ZNF26: variants seen among roughly 807,000 people sequenced by gnomAD.
ZNF26 encodes epididymis luminal protein 179.
A neutral mutation model predicts 54.9 loss-of-function variants in ZNF26; 32 were observed. That is an observed-to-expected ratio of 0.58 (90% confidence interval 0.44 to 0.78). The LOEUF (loss-of-function observed/expected upper bound fraction) is 0.78. Ranked by LOEUF, ZNF26 falls within the 30% of genes least tolerant of loss-of-function variation. The probability of loss-of-function intolerance (pLI) is 0.00; values close to 1 mark genes in which losing one functional copy is unlikely to be tolerated. For missense variants in ZNF26, 524 were observed against 634.0 expected (o/e 0.83, Z 1.86); for synonymous variants, 221 against 209.2 (o/e 1.06, Z -0.49).
Position 133,011,142 on chromosome 12 carries a change from C to G in ZNF26, c.1263C>G (p.Thr421=). 1 of 1,613,966 alleles carries G rather than the reference C, an allele frequency of 6.2e-7. No homozygotes were observed. Among genetic ancestry groups the G allele is most frequent in the South Asian group, 1.1e-5 (1 of 91,068 alleles). ...TTGTTATACATAGGAGAACACACACCGGAGAGAGACCCTATGAATGTAGTT... is the reference window on the plus strand; with the variant it reads ...TTGTTATACATAGGAGAACACACACGGGAGAGAGACCCTATGAATGTAGTT... ...SYLVIHRRTH[T]GERPYECSLC... is the part of the protein sequence containing the mutation. Residue 421 remains threonine (T), a synonymous_variant, in exon 4 of 4, where the codon ACC becomes ACG. Coordinates refer to ENST00000328654, the MANE Select transcript of ZNF26 (RefSeq NM_019591.4).
chr12:132,992,063 G>A (rs1197159087), intron 1 of ZNF26, among the ~76,000 whole-genome samples: 2 of 151,778 alleles, frequency 1.3e-5, no homozygotes, highest in East Asian at 1.9e-4. Flanking sequence ...TATGAGAATC[G>A]CTTGAACCCA....
At position 133,025,406 on chromosome 12, in the gene ZNF26, T is replaced by C. The variant is rs2137289931; in HGVS notation, c.*13925T>C. ...TGAGATCCTGGTCTTCAATCTGATA[T>C]TATAACGGGATGAGACATTGGGATC... On this transcript the variant is annotated 3_prime_UTR_variant, in exon 4 of 4. Transcript: ENST00000328654. The C allele has an allele frequency of 6.6e-6, 1 of 152,294 alleles. No individual in the cohort carries two copies. Among genetic ancestry groups the C allele is most frequent in the Admixed American group, 6.5e-5 (1 of 15,298 alleles). 9.4% of individuals were successfully genotyped at this position (152,294 alleles called of 1,614,324 possible).
At chr12:133,007,385 G>C in intron 2 of ZNF26, 52 bp from the exon 3 acceptor site, 1 of 1,488,542 alleles carries the variant, frequency 6.7e-7, no homozygotes, top group Non-Finnish European at 9.2e-7. Context: ...TTGATTCCTC[G>C]GTCCTGTCCC....
At chr12:132,997,657 T>C (rs1339549559) in intron 1 of ZNF26, among the ~76,000 whole-genome samples, 2 of 152,214 alleles carry the variant, frequency 1.3e-5, no homozygotes, top group Non-Finnish European at 2.9e-5. Flanking sequence ...GGGTTCCAAA[T>C]TAAGGAGGTT....
Position 133,001,667 on chromosome 12 carries a change from C to G in ZNF26, c.34-5375C>G. 1.6e-6 allele frequency: 2 copies of G among 1,289,146 alleles called. No homozygotes were observed. Among genetic ancestry groups the G allele is most frequent in the Non-Finnish European group, 2.0e-6 (2 of 988,696 alleles). 79.9% of individuals were successfully genotyped at this position (1,289,146 alleles called of 1,614,324 possible). ...CTGAGGAGGAGCCTGCTAATGAGCT[C>G]AAGTGTCAAGTTCGGGAATCTTCTG... On this transcript the variant is annotated intron_variant, in intron 1 of 3. Transcript: ENST00000328654. The surrounding 1 kb of genome is among the most constrained non-coding windows in gnomAD (Gnocchi z 4.7).
Position 133,024,456 on chromosome 12 carries a change from G to C in ZNF26, c.*12975G>C, listed in dbSNP as rs1293421010. The C allele has an allele frequency of 6.6e-6, 1 of 152,152 alleles. No homozygotes were observed. The highest frequency in any genetic ancestry group is 1.5e-5 in the Non-Finnish European group (1 of 68,032). The allele number at this position is 152,152 out of a possible 1,614,324, so 9.4% of individuals were successfully genotyped here. ...TAGAGCTAAGTGTTTTCTAGACCCA[G>C]TGTTCAGGATGCTACCTGGCTCCTC... On this transcript the variant is annotated 3_prime_UTR_variant, in exon 4 of 4. Transcript: ENST00000328654.
Position 133,012,592 on chromosome 12 carries a change from T to G in ZNF26, c.*1111T>G, listed in dbSNP as rs1359103316. On this transcript the variant is annotated 3_prime_UTR_variant, in exon 4 of 4. Coordinates refer to ENST00000328654, the MANE Select transcript of ZNF26 (RefSeq NM_019591.4). ...TTGTTGTTTGGGTTTTTTTTTTTTT[T>G]TTTTTTTTTTTTTTTTTGAGACTAA... 6 of 126,834 alleles carry G rather than the reference T, an allele frequency of 4.7e-5. No individual in the cohort carries two copies. Among genetic ancestry groups the G allele is most frequent in the African/African-American group, 1.8e-4 (6 of 33,702 alleles). 7.9% of individuals were successfully genotyped at this position (126,834 alleles called of 1,614,324 possible).
At chr12:132,998,784 T>G (rs1953147256) in intron 1 of ZNF26, among the ~76,000 whole-genome samples, 1 of 152,190 alleles carries the variant, frequency 6.6e-6, no homozygotes, top group Non-Finnish European at 1.5e-5. Context: ...ATTTGAGGCC[T>G]TGATAAAATA....
At position 133,023,544 on chromosome 12, in the gene ZNF26, C is replaced by A. The variant is rs1377579320; in HGVS notation, c.*12063C>A. On this transcript the variant is annotated 3_prime_UTR_variant, in exon 4 of 4. Coordinates refer to ENST00000328654, the MANE Select transcript of ZNF26 (RefSeq NM_019591.4). Reference sequence around the variant, plus strand: ...TTCTGAGTAAATGAAATCCAGGTCTCTTTCGCCATACATTTGTATATGAGG... The same window carrying A: ...TTCTGAGTAAATGAAATCCAGGTCTATTTCGCCATACATTTGTATATGAGG... The A allele has an allele frequency of 3.3e-5, 5 of 152,332 alleles. No homozygotes were observed. The highest frequency in any genetic ancestry group is 3.3e-4 in the Admixed American group (5 of 15,304). 9.4% of individuals were successfully genotyped at this position (152,332 alleles called of 1,614,324 possible).
rs2137264431 is a variant in ZNF26 at position 133,012,268 on chromosome 12, C to G, written c.*787C>G. 1 of 152,308 alleles carries G rather than the reference C, an allele frequency of 6.6e-6. No homozygotes were observed. Among genetic ancestry groups the G allele is most frequent in the South Asian group, 2.1e-4 (1 of 4,822 alleles). The allele number at this position is 152,308 out of a possible 1,614,324, so 9.4% of individuals were successfully genotyped here. A position where few individuals can be genotyped will look rare whatever the true frequency, so the allele number is the denominator to read the frequency against. ...TGTTTTCTCTGGAGAAATACCTCCC[C>G]TCTCTGGGGTGCTTCCTGTGGTAGT... On this transcript the variant is annotated 3_prime_UTR_variant, in exon 4 of 4. Transcript: ENST00000328654.
chr12:133,023,608 C>T lies in ZNF26; in HGVS notation c.*12127C>T, dbSNP rs1953668835. 2 of 150,242 alleles carry T rather than the reference C, an allele frequency of 1.3e-5. No individual in the cohort carries two copies. Among genetic ancestry groups the T allele is most frequent in the East Asian group, 4.0e-4 (2 of 5,024 alleles). The allele number at this position is 150,242 out of a possible 1,614,324, so 9.3% of individuals were successfully genotyped here. On this transcript the variant is annotated 3_prime_UTR_variant, in exon 4 of 4. Transcript: ENST00000328654. ...AATTACAATAATCAACCATGTTTTA[C>T]ATATGTGGCAGATTTTATTTTCTGA...
In ZNF26 at chr12:133,011,710, TATC is replaced by T. The variant is rs1469129841; in HGVS notation, c.*235_*237del. The stretch of plus-strand genomic sequence containing the variant: ...GCAATAAATGTATCAAATGTTGTAG[TATC>T]ATCATGAAGATTCAGAGAATTTACA... On this transcript the variant is annotated 3_prime_UTR_variant, in exon 4 of 4. Coordinates refer to ENST00000328654, the MANE Select transcript of ZNF26 (RefSeq NM_019591.4). The T allele has an allele frequency of 2.4e-5, 8 of 332,958 alleles. No individual in the cohort carries two copies. Among genetic ancestry groups the T allele is most frequent in the Middle Eastern group, 8.5e-4 (1 of 1,182 alleles). The allele number at this position is 332,958 out of a possible 1,614,324, so 20.6% of individuals were successfully genotyped here. A position where few individuals can be genotyped will look rare whatever the true frequency, so the allele number is the denominator to read the frequency against.
At position 133,023,663 on chromosome 12, in the gene ZNF26, TCTC is replaced by T. The variant is rs1953669703; in HGVS notation, c.*12186_*12188del. The T allele has an allele frequency of 5.9e-5, 9 of 152,340 alleles. No homozygotes were observed. The East Asian group carries it at 1.5e-3, about 26-fold the overall frequency. 9.4% of individuals were successfully genotyped at this position (152,340 alleles called of 1,614,324 possible). On this transcript the variant is annotated 3_prime_UTR_variant, in exon 4 of 4. Transcript: ENST00000328654. Reference sequence around the variant, plus strand: ...GGCTATGACAGTAGCTTCCATCTCATCTCCTCTTCTACAGTGTGATCTTGCCAC... The same window carrying T: ...GGCTATGACAGTAGCTTCCATCTCATCTCTTCTACAGTGTGATCTTGCCAC...
At position 133,001,089 on chromosome 12, in the gene ZNF26, C is replaced by T. The variant is rs1287844277; in HGVS notation, c.34-5953C>T. Among the ~76,000 whole-genome samples, 1 of 152,068 alleles carries T rather than the reference C, an allele frequency of 6.6e-6. No individual in the cohort carries two copies. Among genetic ancestry groups the T allele is most frequent in the Non-Finnish European group, 1.5e-5 (1 of 68,030 alleles). ...AAGTGACTTGTTTCATGTTTCTTCT[C>T]CCTCAGATTTAAAGTAACCAGCTTG... On this transcript the variant is annotated intron_variant, in intron 1 of 3. Transcript: ENST00000328654. This position sits in a 1 kb window ranked among gnomAD's most constrained non-coding sequence, Gnocchi z 4.7.
rs1456943847 is a variant in ZNF26, at chr12:133,017,052, A to G, written c.*5571A>G. 6.6e-6 allele frequency: 1 copy of G among 152,222 alleles called. No homozygotes were observed. The highest frequency in any genetic ancestry group is 6.5e-5 in the Admixed American group (1 of 15,272). The allele number at this position is 152,222 out of a possible 1,614,324, so 9.4% of individuals were successfully genotyped here. On this transcript the variant is annotated 3_prime_UTR_variant, in exon 4 of 4. Coordinates refer to ENST00000328654, the MANE Select transcript of ZNF26 (RefSeq NM_019591.4). The stretch of plus-strand genomic sequence containing the variant: ...GAAATAATGTCATTTTAAACAAAAT[A>G]TTTAATACCAAGAAAGTTGGAAACA...
At chr12:132,993,088 G>A (rs1295466771) in intron 1 of ZNF26, among the ~76,000 whole-genome samples, 7 of 148,844 alleles carry the variant, frequency 4.7e-5, no homozygotes, top group Admixed American at 2.0e-4. Flanking sequence ...GCAGTGGTGC[G>A]ATCTGGGCTC....
chr12:133,012,697 A>G lies in ZNF26; in HGVS notation c.*1216A>G, dbSNP rs1566267834. On this transcript the variant is annotated 3_prime_UTR_variant, in exon 4 of 4. Transcript: ENST00000328654. ...AACTTCCACCTCCTGGGTTCAAGCA[A>G]TTTCCTTGCCTCAGCCTCCCAAGTG... The G allele has an allele frequency of 2.8e-5, 4 of 145,444 alleles. No individual in the cohort carries two copies. The highest frequency in any genetic ancestry group is 7.7e-5 in the African/African-American group (3 of 39,114). The allele number at this position is 145,444 out of a possible 1,614,324, so 9.0% of individuals were successfully genotyped here. A position where few individuals can be genotyped will look rare whatever the true frequency, so the allele number is the denominator to read the frequency against.
chr12:133,023,517 T>C lies in ZNF26; in HGVS notation c.*12036T>C, dbSNP rs1953667566. Reference sequence around the variant, plus strand: ...TACAGGTCAATCTAATATATGAAAATTTTCTGAGTAAATGAAATCCAGGTC... The same window carrying C: ...TACAGGTCAATCTAATATATGAAAACTTTCTGAGTAAATGAAATCCAGGTC... On this transcript the variant is annotated 3_prime_UTR_variant, in exon 4 of 4. Coordinates refer to ENST00000328654, the MANE Select transcript of ZNF26 (RefSeq NM_019591.4). The C allele has an allele frequency of 6.6e-6, 1 of 152,148 alleles. No individual in the cohort carries two copies. The highest frequency in any genetic ancestry group is 2.4e-5 in the African/African-American group (1 of 41,432). The allele number at this position is 152,148 out of a possible 1,614,324, so 9.4% of individuals were successfully genotyped here.
At position 133,014,549 on chromosome 12, in the gene ZNF26, GT is replaced by G. The variant is rs34053094; in HGVS notation, c.*3083del. On this transcript the variant is annotated 3_prime_UTR_variant, in exon 4 of 4. Coordinates refer to ENST00000328654, the MANE Select transcript of ZNF26 (RefSeq NM_019591.4). ...TCTGTTTTTTTTTTTGTTTTGTTTTGTTTTTTTTTTTTTTTGAGACGGAGTC... is the reference window on the plus strand; with the variant it reads ...TCTGTTTTTTTTTTTGTTTTGTTTTGTTTTTTTTTTTTTTGAGACGGAGTC... 8.1e-3 allele frequency: 1,142 copies of G among 141,252 alleles called. 4 individuals are homozygous for G. The highest frequency in any genetic ancestry group is 0.011 in the African/African-American group (439 of 39,422). The allele number at this position is 141,252 out of a possible 1,614,324, so 8.7% of individuals were successfully genotyped here. A position where few individuals can be genotyped will look rare whatever the true frequency, so the allele number is the denominator to read the frequency against.
Sources: gnomAD v4.1 joint callset for allele counts (sites outside exome capture counted in the v4.1 genomes callset) on GRCh38, gnomAD v4.1.1 for gene constraint, Gnocchi (gnomAD v3.1) non-coding constraint, MANE v1.5 for transcripts, NCBI Gene and HGNC (gene_info 2026-07-23, HGNC 2026-07-21) for gene names.